TYR: variants seen among roughly 807,000 people sequenced by gnomAD.
TYR encodes LB24-AB.
A neutral mutation model predicts 51.5 loss-of-function variants in TYR; 58 were observed. The ratio of observed to expected loss-of-function variants is 1.13; its 90% CI spans 0.91 to 1.40. The LOEUF (loss-of-function observed/expected upper bound fraction) is 1.40. TYR is among the 40% of genes most tolerant of loss of function. The pLI is 0.00. For missense variants in TYR, 732 were observed against 647.4 expected, an observed-to-expected ratio of 1.13 and a Z score of -1.42; for synonymous variants, 263 against 235.2, an observed-to-expected ratio of 1.12 and a Z score of -1.08.
intron 3 of TYR, among the ~76,000 whole-genome samples, chr11:89,250,346 GC>G (rs887576551): frequency 1.3e-5 from 2 of 151,470 alleles, no homozygotes; most frequent in African/African-American, 4.8e-5. Context: ...TAAATAATTC[GC>G]CCAAAGTTTT....
At chr11:89,290,290 A>G (rs1944840504) in intron 4 of TYR, among the ~76,000 whole-genome samples, 1 of 152,074 alleles carries the variant, frequency 6.6e-6, no homozygotes, top group Non-Finnish European at 1.5e-5. Flanking sequence ...AAATAAAAGT[A>G]TCTCAAAGAC....
At chr11:89,293,589 A>G (rs1944872662) in intron 4 of TYR, among the ~76,000 whole-genome samples, 1 of 151,096 alleles carries the variant, frequency 6.6e-6, no homozygotes, top group African/African-American at 2.4e-5. Flanking sequence ...GGTATTGATG[A>G]AAAAAAAACA....
intron 3 of TYR, among the ~76,000 whole-genome samples, chr11:89,261,524 A>T (rs1268199425): frequency 1.3e-5 from 2 of 152,164 alleles, no homozygotes; most frequent in African/African-American, 2.4e-5. Flanking sequence ...AAGAATTATA[A>T]ATATGTATGC....
At position 89,232,183 on chromosome 11, in the gene TYR, G is replaced by A. The variant is rs894660044; in HGVS notation, c.1184+4213G>A. ...TAGTCATTCACAATGTATGTATACA[G>A]GCACACATCAAAATACTGTGGGCTT... On this transcript the variant is annotated intron_variant, in intron 3 of 4. Coordinates refer to ENST00000263321, the MANE Select transcript of TYR (RefSeq NM_000372.5). Among the ~76,000 whole-genome samples the A allele has an allele frequency of 6.3e-5, 9 of 142,914 alleles. 1 individual carries two copies. The South Asian group carries it at 2.1e-3, about 33-fold the overall frequency. The allele number at this position is 142,914 out of a possible 152,430, so 93.8% of individuals were successfully genotyped here. A position where few individuals can be genotyped will look rare whatever the true frequency, so the allele number is the denominator to read the frequency against.
At chr11:89,211,078 C>G (rs568932260) in intron 2 of TYR, among the ~76,000 whole-genome samples, 1 of 152,252 alleles carries the variant, frequency 6.6e-6, no homozygotes, top group South Asian at 2.1e-4. Context: ...AACCAGTTAG[C>G]ATCATAATGG....
intron 3 of TYR, among the ~76,000 whole-genome samples, chr11:89,278,552 C>T (rs1181345455): frequency 6.6e-6 from 1 of 151,382 alleles, no homozygotes; most frequent in African/African-American, 2.4e-5. Flanking sequence ...AATCAGTTCC[C>T]AAATATCCAA....
rs1200213755 is a variant in TYR, at chr11:89,256,467, A to G, written c.1185-28306A>G. 4.7e-5 allele frequency among the ~76,000 whole-genome samples: 7 copies of G among 149,588 alleles called. No individual in the cohort carries two copies. The East Asian group carries it at 7.8e-4, about 17-fold the overall frequency. ...GAGGTATGTGTGTGTACTTGTGTAT[A>G]TGTGTGTGTGTGTGTGTGTATATGT... On this transcript the variant is annotated intron_variant, in intron 3 of 4. Coordinates refer to ENST00000263321, the MANE Select transcript of TYR (RefSeq NM_000372.5).
At chr11:89,268,190 G>C (rs1165542236) in intron 3 of TYR, among the ~76,000 whole-genome samples, 5 of 151,838 alleles carry the variant, frequency 3.3e-5, no homozygotes, top group Non-Finnish European at 7.4e-5. Flanking sequence ...GTTCAAACGA[G>C]TTCCTGTATG....
chr11:89,277,890 G>C (rs769245636), intron 3 of TYR, among the ~76,000 whole-genome samples: 7 of 151,472 alleles, frequency 4.6e-5, no homozygotes, highest in Non-Finnish European at 1.0e-4. Flanking sequence ...AATCTGTGTG[G>C]TCTTTTACAA....
chr11:89,215,149 C>T (rs1943815236), intron 2 of TYR, among the ~76,000 whole-genome samples: 1 of 152,018 alleles, frequency 6.6e-6, no homozygotes, highest in Non-Finnish European at 1.5e-5. Flanking sequence ...CAGTTAAGCA[C>T]TATGATGTGA....
At chr11:89,250,568 C>T (rs949778619) in intron 3 of TYR, among the ~76,000 whole-genome samples, 13 of 151,876 alleles carry the variant, frequency 8.6e-5, no homozygotes, top group African/African-American at 3.1e-4. Flanking sequence ...TATTTTCTCA[C>T]AATTCTGGGG....
At chr11:89,193,500 C>T (rs1195273965) in intron 2 of TYR, among the ~76,000 whole-genome samples, 3 of 152,144 alleles carry the variant, frequency 2.0e-5, no homozygotes, top group Middle Eastern at 3.4e-3. Flanking sequence ...TTCTTACACA[C>T]TTTAGTAGGC....
At chr11:89,183,219 A>G (rs1331013258) in intron 1 of TYR, among the ~76,000 whole-genome samples, 4 of 152,206 alleles carry the variant, frequency 2.6e-5, no homozygotes, top group South Asian at 2.1e-4. Context: ...CCTCATTAAT[A>G]TATCTATTTC....
At chr11:89,231,170 CAAAAAA>C (rs1156577257) in intron 3 of TYR, among the ~76,000 whole-genome samples, 1 of 65,604 alleles carries the variant, frequency 1.5e-5, no homozygotes, top group Non-Finnish European at 3.3e-5. Context: ...GACTTCGTCT[CAAAAAA>C]AAAAAAAAAA....
chr11:89,208,840 A>C (rs2135267520), intron 2 of TYR, among the ~76,000 whole-genome samples: 1 of 152,312 alleles, frequency 6.6e-6, no homozygotes, highest in South Asian at 2.1e-4. Flanking sequence ...TTTGTTGCTT[A>C]CTTTATAAAG....
In TYR at chr11:89,191,376, A is replaced by C; in HGVS notation, c.994A>C (p.Met332Leu). Residue 332 changes from methionine (M) to leucine (L), a missense_variant, in exon 2 of 5, where the codon ATG (methionine) becomes CTG (leucine). Transcript: ENST00000263321. The stretch of plus-strand genomic sequence containing the variant: ...TTTGACCCAATATGAATCTGGTTCC[A>C]TGGATAAAGCTGCCAATTTCAGCTT... ...LSLTQYESGS[M>L]DKAANFSFRN... The C allele has an allele frequency of 6.2e-7, 1 of 1,613,760 alleles. No individual in the cohort carries two copies. The highest frequency in any genetic ancestry group is 8.5e-7 in the Non-Finnish European group (1 of 1,179,760).
At chr11:89,234,465 T>C (rs1944086815) in intron 3 of TYR, among the ~76,000 whole-genome samples, 1 of 143,830 alleles carries the variant, frequency 7.0e-6, no homozygotes, top group South Asian at 2.3e-4. Context: ...CTTGACTAAC[T>C]TTTGCACAAG....
intron 3 of TYR, among the ~76,000 whole-genome samples, chr11:89,278,198 A>G (rs1411004048): frequency 6.6e-6 from 1 of 151,736 alleles, no homozygotes; most frequent in East Asian, 1.9e-4. Context: ...CAACTCTTGA[A>G]GAATGCACCA....
At chr11:89,195,523 A>G (rs1332017851) in intron 2 of TYR, among the ~76,000 whole-genome samples, 2 of 152,060 alleles carry the variant, frequency 1.3e-5, no homozygotes, top group Non-Finnish European at 1.5e-5. Flanking sequence ...TACTAAAAAT[A>G]CAAAAATTAG....
Sources: allele counts gnomAD v4.1 joint callset (sites outside exome capture counted in the v4.1 genomes callset), GRCh38; gene constraint gnomAD v4.1.1; transcripts MANE v1.5; gene names NCBI Gene and HGNC (gene_info 2026-07-23, HGNC 2026-07-21).